The following CNTN4 variants were observed in gnomAD, a reference collection of about 807,000 sequenced individuals.
CNTN4 encodes the protein contactin-4.
A neutral mutation model predicts 122.5 loss-of-function variants in CNTN4; 77 were observed. That is an observed-to-expected ratio of 0.63 (90% CI 0.52 to 0.76). The LOEUF (loss-of-function observed/expected upper bound fraction) is 0.76. Ranked by LOEUF, CNTN4 falls within the 30% of genes least tolerant of loss-of-function variation. The pLI, the probability that CNTN4 is intolerant of heterozygous loss-of-function variation, is 0.00. For missense variants in CNTN4, 1,256 were observed against 1,259.1 expected (o/e 1.00, Z 0.04); for synonymous variants, 512 against 447.0 (o/e 1.15, Z -1.83).
chr3:2,622,583 C>G (rs1248549226), intron 4 of CNTN4, among the ~76,000 whole-genome samples: 1 of 152,126 alleles, frequency 6.6e-6, no homozygotes, highest in Non-Finnish European at 1.5e-5. Context: ...GCTGGACAAG[C>G]AAGTTTTGAA....
chr3:2,261,704 G>A (rs1235520636), intron 2 of CNTN4, among the ~76,000 whole-genome samples: 1 of 152,112 alleles, frequency 6.6e-6, no homozygotes, highest in Non-Finnish European at 1.5e-5. Context: ...TTGCTTCATT[G>A]TGCTTTCCTT....
intron 2 of CNTN4, among the ~76,000 whole-genome samples, chr3:2,133,407 T>C (rs1220970526): frequency 6.6e-6 from 1 of 152,212 alleles, no homozygotes; most frequent in Non-Finnish European, 1.5e-5. Context: ...GTGCCTTTTA[T>C]GGCTGTTGCT....
chr3:2,628,016 C>T (rs960053433), intron 4 of CNTN4, among the ~76,000 whole-genome samples: 1 of 152,122 alleles, frequency 6.6e-6, no homozygotes, highest in Non-Finnish European at 1.5e-5. Flanking sequence ...TGATGAGGGA[C>T]TTGCTTCGTA....
chr3:2,677,535 GA>G (rs1429860902), intron 4 of CNTN4, among the ~76,000 whole-genome samples: 1 of 144,120 alleles, frequency 6.9e-6, no homozygotes, highest in Non-Finnish European at 1.5e-5. Context: ...TAGAGAGAAA[GA>G]GCACACACTT....
intron 2 of CNTN4, among the ~76,000 whole-genome samples, chr3:2,174,888 C>T (rs897122026): frequency 7.9e-5 from 12 of 152,006 alleles, no homozygotes; most frequent in African/African-American, 2.9e-4. Flanking sequence ...TATTTTCAAA[C>T]AACTGTATAT....
At chr3:2,540,895 A>G (rs556744859) in intron 3 of CNTN4, among the ~76,000 whole-genome samples, 6 of 152,288 alleles carry the variant, frequency 3.9e-5, no homozygotes, top group African/African-American at 1.2e-4. Flanking sequence ...AATATTGTCA[A>G]ACTAACAATG....
At chr3:2,140,620 GC>G (rs1216346473) in intron 2 of CNTN4, among the ~76,000 whole-genome samples, 1 of 152,112 alleles carries the variant, frequency 6.6e-6, no homozygotes, top group African/African-American at 2.4e-5. Context: ...CTCCCCCAAA[GC>G]CCCAACTCCT....
intron 4 of CNTN4, among the ~76,000 whole-genome samples, chr3:2,652,182 A>C (rs576557881): frequency 7.2e-5 from 11 of 152,222 alleles, no homozygotes; most frequent in Admixed American, 3.3e-4. Context: ...TGATTACACC[A>C]CTGCACTGCA....
chr3:3,039,943 A>T, intron 19 of CNTN4, 94 bp from the exon 20 acceptor site: 1 of 837,444 alleles, frequency 1.2e-6, no homozygotes, highest in South Asian at 1.4e-5. Context: ...GTGGAGAAGG[A>T]TGTAGACAAG....
chr3:2,568,901 G>C (rs2079298926), intron 3 of CNTN4, among the ~76,000 whole-genome samples: 1 of 152,130 alleles, frequency 6.6e-6, no homozygotes, highest in African/African-American at 2.4e-5. Context: ...CATTTCCTAA[G>C]CTAATTTTAA....
chr3:2,959,821 A>C (rs1327648058), intron 13 of CNTN4, among the ~76,000 whole-genome samples: 1 of 152,172 alleles, frequency 6.6e-6, no homozygotes, highest in Non-Finnish European at 1.5e-5. Context: ...GCTGTCAGTT[A>C]AGAGGAAATT....
chr3:2,856,072 C>G (rs1268064114), intron 7 of CNTN4, among the ~76,000 whole-genome samples: 1 of 152,124 alleles, frequency 6.6e-6, no homozygotes, highest in African/African-American at 2.4e-5. Flanking sequence ...TGGAGTTCAG[C>G]AATAATACTG....
At chr3:2,930,708 G>C (rs1220438236) in intron 13 of CNTN4, among the ~76,000 whole-genome samples, 1 of 152,146 alleles carries the variant, frequency 6.6e-6, no homozygotes, top group Non-Finnish European at 1.5e-5. Flanking sequence ...GTTTAGAACA[G>C]CAGCATGACT....
chr3:2,691,008 G>A lies in CNTN4; in HGVS notation c.56-45207G>A, dbSNP rs78011724. ...GAGAATACAGTATAGGGAAGACCAC[G>A]TGAGAAACTGCTTCATCACAAATAA... On this transcript the variant is annotated intron_variant, in intron 4 of 24. Transcript: ENST00000418658. Among the ~76,000 whole-genome samples, 708 of 152,286 alleles carry A rather than the reference G, an allele frequency of 4.6e-3. 6 individuals carry two copies. The highest frequency in any genetic ancestry group is 0.016 in the African/African-American group (645 of 41,574).
chr3:2,897,474 A>G (rs2094128117), intron 10 of CNTN4, among the ~76,000 whole-genome samples: 2 of 152,122 alleles, frequency 1.3e-5, no homozygotes, highest in Non-Finnish European at 2.9e-5. Flanking sequence ...GGCTTCTGAA[A>G]TAATAGTATT....
intron 3 of CNTN4, among the ~76,000 whole-genome samples, chr3:2,404,017 T>C (rs550069750): frequency 6.6e-6 from 1 of 152,320 alleles, no homozygotes; most frequent in Non-Finnish European, 1.5e-5. Flanking sequence ...ATCAGACATT[T>C]GTGATTTCTA....
chr3:2,823,142 G>A lies in CNTN4; in HGVS notation c.454+3561G>A, dbSNP rs919742742. Among the ~76,000 whole-genome samples the A allele has an allele frequency of 3.9e-5, 6 of 152,164 alleles. No individual in the cohort carries two copies. In the South Asian group the frequency reaches 1.2e-3, roughly 32 times the overall value. ...GATTCTCTCACTGTTTTTCCGGGCT[G>A]TGTGTCACCCTAAAGCGAGAAGAAT... On this transcript the variant is annotated intron_variant, in intron 7 of 24. Coordinates refer to ENST00000418658, the MANE Select transcript of CNTN4 (RefSeq NM_175607.3).
chr3:3,032,734 G>A (rs1463062546), intron 16 of CNTN4, among the ~76,000 whole-genome samples: 2 of 152,246 alleles, frequency 1.3e-5, no homozygotes, highest in Non-Finnish European at 2.9e-5. Context: ...GGGAGAAGCA[G>A]ACCCCAGAAT....
chr3:2,834,610 A>G (rs1043235853), intron 7 of CNTN4, among the ~76,000 whole-genome samples: 2 of 152,184 alleles, frequency 1.3e-5, no homozygotes, highest in Admixed American at 6.5e-5. Context: ...GCTGTAATCT[A>G]TTTAACCAGA....
Sources: gnomAD v4.1 joint callset for allele counts (sites outside exome capture counted in the v4.1 genomes callset) on GRCh38, gnomAD v4.1.1 for gene constraint, MANE v1.5 for transcripts, NCBI Gene and HGNC (gene_info 2026-07-23, HGNC 2026-07-21) for gene names.